Variants in TEX15 observed in about 807,000 individuals in gnomAD.
The protein encoded by TEX15 is testis-expressed protein 15.
A neutral mutation model predicts 237.3 loss-of-function variants in TEX15; 171 were observed. That is an observed-to-expected ratio of 0.72 (90% CI 0.64 to 0.82). The LOEUF (loss-of-function observed/expected upper bound fraction) is 0.82, where lower values mean the gene tolerates loss of function less well. Ranked by LOEUF, TEX15 falls within the 40% of genes least tolerant of loss-of-function variation. The pLI, the probability that TEX15 is intolerant of heterozygous loss-of-function variation, is 0.00. For missense variants in TEX15, 3,750 were observed against 3,646.5 expected, an observed-to-expected ratio of 1.03 and a Z score of -0.73; for synonymous variants, 1,338 against 1,269.8, an observed-to-expected ratio of 1.05 and a Z score of -1.14.
In TEX15 at chr8:30,832,997, T is replaced by C. The variant is rs567312290; in HGVS notation, c.*289A>G. ...ATGCCATCAACAATGTATTGAAACA[T>C]ATCAGAAGCAAGAATCTAGTTTTAA... is the stretch of plus-strand genomic sequence containing the variant. On this transcript the variant is annotated 3_prime_UTR_variant, in exon 11 of 11. Coordinates refer to ENST00000643185, the MANE Select transcript of TEX15 (RefSeq NM_001350162.2). 1.3e-5 allele frequency: 3 copies of C among 235,710 alleles called. No homozygotes were observed. Among genetic ancestry groups the C allele is most frequent in the Non-Finnish European group, 2.4e-5 (3 of 122,810 alleles). 14.6% of individuals were successfully genotyped at this position (235,710 alleles called of 1,614,324 possible).
chr8:30,840,946 C>A (rs556012078), intron 8 of TEX15, among the ~76,000 whole-genome samples: 111 of 152,152 alleles, frequency 7.3e-4, no homozygotes, highest in Middle Eastern at 6.8e-3. Context: ...GAAACAGAGT[C>A]TTACTCTGTC....
intron 7 of TEX15, among the ~76,000 whole-genome samples, chr8:30,854,437 T>G (rs561030273): frequency 6.6e-6 from 1 of 152,132 alleles, no homozygotes; most frequent in South Asian, 2.1e-4. Context: ...CTGAACGTGA[T>G]GCAAGAAGAA....
At chr8:30,898,966 G>C (rs574115378) in intron 1 of TEX15, 149 bp from the exon 2 acceptor site, 1 of 152,090 alleles carries the variant, frequency 6.6e-6, no homozygotes, top group South Asian at 2.1e-4. Context: ...TCTGGGGGAG[G>C]GAGCTGTCTG....
rs1554502262 is a variant in TEX15, at chr8:30,889,927, TTATATACATATATATATATA to T, written c.-9-2636_-9-2617del. 2.3e-3 allele frequency among the ~76,000 whole-genome samples: 258 copies of T among 109,898 alleles called. 7 individuals carry two copies. The highest frequency in any genetic ancestry group is 0.013 in the African/African-American group (237 of 18,914). 72.1% of individuals were successfully genotyped at this position (109,898 alleles called of 152,430 possible). A position where few individuals can be genotyped will look rare whatever the true frequency, so the allele number is the denominator to read the frequency against. The stretch of plus-strand genomic sequence containing the variant: ...ATGATTATATATATTTATGTATTAG[TTATATACATATATATATATA>T]TATATACATATATATATATATGTAT... On this transcript the variant is annotated intron_variant, in intron 2 of 10. Transcript: ENST00000643185.
At chr8:30,865,823 C>G (rs1397490511) in intron 5 of TEX15, among the ~76,000 whole-genome samples, 2 of 152,040 alleles carry the variant, frequency 1.3e-5, no homozygotes, top group Non-Finnish European at 2.9e-5. Flanking sequence ...ATATGACAAA[C>G]CTACAGCTAA....
chr8:30,874,952 T>G lies in TEX15; in HGVS notation c.287A>C (p.Asn96Thr), dbSNP rs1231400904. 7.5e-7 allele frequency: 1 copy of G among 1,337,186 alleles called. No individual in the cohort carries two copies. The highest frequency in any genetic ancestry group is 3.3e-5 in the Admixed American group (1 of 30,506). 82.8% of individuals were successfully genotyped at this position (1,337,186 alleles called of 1,614,324 possible). ...KLVHNEELEK[N>T]FTAKRSEMRE... ...AGTAACTTACCTCTTAGCAGTAAAA[T>G]TTTTTTCCAGTTCCTCATTGTGAAC... Residue 96 changes from asparagine (N) to threonine (T), a missense_variant, in exon 4 of 11, where the codon AAT becomes ACT. By Grantham distance (65) the Asn-to-Thr change is moderately conservative (BLOSUM62 0). Transcript: ENST00000643185.
chr8:30,847,735 T>C lies in TEX15; in HGVS notation c.2432A>G (p.Glu811Gly), dbSNP rs760360838. ...GTTCTCTAATGACACTGGTTCATTT[T>C]CATTTTTCCTATGGACACATATATG... Reference protein sequence around the residue: ...REHICVHRKNENEPVSLENIQ... With the variant: ...REHICVHRKNGNEPVSLENIQ... The change falls in exon 8 of 11, where the codon GAA (glutamate) becomes GGA (glycine). Residue 811 changes from glutamate (E) to glycine (G), a missense_variant. Glu to Gly is a moderately conservative substitution (Grantham distance 98). Transcript: ENST00000643185. The C allele has an allele frequency of 1.2e-6, 2 of 1,613,840 alleles. No homozygotes were observed. The highest frequency in any genetic ancestry group is 1.7e-5 in the Admixed American group (1 of 60,020).
chr8:30,889,648 T>C (rs1808740509), intron 2 of TEX15, among the ~76,000 whole-genome samples: 1 of 152,076 alleles, frequency 6.6e-6, no homozygotes, highest in East Asian at 1.9e-4. Flanking sequence ...TGGTATTCAA[T>C]ATCCTTCATT....
At chr8:30,903,710 G>A (rs1215954365) in intron 1 of TEX15, among the ~76,000 whole-genome samples, 2 of 152,118 alleles carry the variant, frequency 1.3e-5, no homozygotes, top group East Asian at 3.8e-4. Context: ...TATAACAAAT[G>A]CCATCCTCTG....
rs1369735909 is a variant in TEX15 at position 30,863,489 on chromosome 8, T to C, written c.541-3432A>G. On this transcript the variant is annotated intron_variant, in intron 5 of 10. Coordinates refer to ENST00000643185, the MANE Select transcript of TEX15 (RefSeq NM_001350162.2). ...TAATAAACATATGGTATATGTATTC[T>C]CATCACTGAGTGCTGCTTCTATTAA... Among the ~76,000 whole-genome samples, 6 of 152,120 alleles carry C rather than the reference T, an allele frequency of 3.9e-5. No individual in the cohort carries two copies. The East Asian group carries it at 1.2e-3, about 29-fold the overall frequency.
intron 4 of TEX15, among the ~76,000 whole-genome samples, chr8:30,872,245 C>T (rs1250061750): frequency 2.0e-5 from 3 of 152,008 alleles, no homozygotes; most frequent in Non-Finnish European, 2.9e-5. Flanking sequence ...TTTTTGTTAA[C>T]GACAAACCAA....
intron 7 of TEX15, among the ~76,000 whole-genome samples, chr8:30,857,283 C>T (rs1458313914): frequency 6.6e-6 from 1 of 152,110 alleles, no homozygotes; most frequent in Non-Finnish European, 1.5e-5. Flanking sequence ...TCCTATCGCA[C>T]ACCAAAGTCA....
At position 30,847,557 on chromosome 8, in the gene TEX15, A is replaced by G. The variant is rs150381222; in HGVS notation, c.2610T>C (p.Asn870=). Residue 870 remains asparagine (N), a synonymous_variant, in exon 8 of 11, where the codon AAT becomes AAC. Coordinates refer to ENST00000643185, the MANE Select transcript of TEX15 (RefSeq NM_001350162.2). ...DRENQNEAKE[N]SASCVENNIE... is the part of the protein sequence containing the mutation. Reference sequence around the variant, plus strand: ...TGTTGTTTTCTACACATGAAGCACTATTCTCTTTAGCCTCATTTTGGTTTT... The same window carrying G: ...TGTTGTTTTCTACACATGAAGCACTGTTCTCTTTAGCCTCATTTTGGTTTT... The G allele has an allele frequency of 3.1e-6, 5 of 1,613,016 alleles. No individual in the cohort carries two copies. Among genetic ancestry groups the G allele is most frequent in the Non-Finnish European group, 4.2e-6 (5 of 1,179,816 alleles).
At chr8:30,908,067 G>A (rs538776190) in intron 1 of TEX15, among the ~76,000 whole-genome samples, 18 of 152,160 alleles carry the variant, frequency 1.2e-4, no homozygotes, top group East Asian at 9.7e-4. Flanking sequence ...GGGACTATAC[G>A]CATGTGCCAC....
chr8:30,865,648 T>C (rs933885306), intron 5 of TEX15, among the ~76,000 whole-genome samples: 25 of 152,120 alleles, frequency 1.6e-4, no homozygotes, highest in Non-Finnish European at 1.0e-4. Context: ...GTTCAACTTA[T>C]ACAAATCAAT....
chr8:30,865,503 A>C (rs1288145863), intron 5 of TEX15, among the ~76,000 whole-genome samples: 1 of 152,134 alleles, frequency 6.6e-6, no homozygotes, highest in Non-Finnish European at 1.5e-5. Context: ...ACAACGAAAG[A>C]AGCTATGGGC....
intron 2 of TEX15, among the ~76,000 whole-genome samples, chr8:30,892,014 C>T (rs1209676996): frequency 3.3e-5 from 5 of 152,082 alleles, no homozygotes; most frequent in Admixed American, 6.6e-5. Context: ...GTCCCAACTA[C>T]GAATATTTTT....
Position 30,844,536 on chromosome 8 carries a change from A to T in TEX15, c.5631T>A (p.Asn1877Lys). ...TTAAGCAGGATTCTTCTGAGATCTG[A>T]TTCTTTTGATTTTTGTACTCAGTAT... The part of the protein sequence containing the change: ...TVNTEYKNQK[N>K]QISEESCLNE... The change falls in exon 8 of 11, where the codon AAT (asparagine) becomes AAA (lysine). Residue 1877 changes from asparagine (N) to lysine (K), a missense_variant. Physicochemically the swap from Asn to Lys is moderately conservative, Grantham distance 94. Coordinates refer to ENST00000643185, the MANE Select transcript of TEX15 (RefSeq NM_001350162.2). 1 of 1,612,402 alleles carries T rather than the reference A, an allele frequency of 6.2e-7. No homozygotes were observed. Among genetic ancestry groups the T allele is most frequent in the Non-Finnish European group, 8.5e-7 (1 of 1,179,414 alleles).
chr8:30,878,979 T>C (rs1329468585), intron 3 of TEX15, among the ~76,000 whole-genome samples: 1 of 152,240 alleles, frequency 6.6e-6, no homozygotes, highest in African/African-American at 2.4e-5. Flanking sequence ...TTCTAACAAG[T>C]ATATAGTTAC....
Sources: allele counts gnomAD v4.1 joint callset (sites outside exome capture counted in the v4.1 genomes callset), GRCh38; gene constraint gnomAD v4.1.1; transcripts MANE v1.5; gene names NCBI Gene and HGNC (gene_info 2026-07-23, HGNC 2026-07-21).